Variants in DHX32 observed in about 807,000 individuals in gnomAD.
The protein encoded by DHX32 is putative pre-mRNA-splicing factor ATP-dependent RNA helicase DHX32.
A neutral mutation model predicts 70.0 loss-of-function variants in DHX32; 51 were observed. The ratio of observed to expected loss-of-function variants is 0.73; its 90% CI spans 0.58 to 0.92. DHX32 has a LOEUF of 0.92. DHX32 is among the 40% of genes least tolerant of loss of function. The probability of loss-of-function intolerance (pLI) is 0.00; values close to 1 mark genes in which losing one functional copy is unlikely to be tolerated. For synonymous variants in DHX32, 310 were observed against 315.3 expected (o/e 0.98, Z 0.18); for missense variants, 762 against 891.8 (o/e 0.85, Z 1.85).
chr10:125,856,005 A>C (rs561341637), intron 3 of DHX32, among the ~76,000 whole-genome samples: 1 of 152,382 alleles, frequency 6.6e-6, no homozygotes, highest in African/African-American at 2.4e-5. Context: ...GCAGAGCAAA[A>C]CAGAAATAGA....
At position 125,852,207 on chromosome 10, in the gene DHX32, C is replaced by T. The variant is rs527402756; in HGVS notation, c.1351+86G>A. 7 of 1,504,904 alleles carry T rather than the reference C, an allele frequency of 4.7e-6. No homozygotes were observed. In the Admixed American group the frequency reaches 5.9e-5, roughly 13 times the overall value. 93.2% of individuals were successfully genotyped at this position (1,504,904 alleles called of 1,614,324 possible). A position where few individuals can be genotyped will look rare whatever the true frequency, so the allele number is the denominator to read the frequency against. ...CCCTCCATGCTTGTGTGCATTGCTG[C>T]GCATCATGTGAACTCAGGACAGAGA... On this transcript the variant is annotated intron_variant, in intron 6 of 10. Transcript: ENST00000284690.
Position 125,854,181 on chromosome 10 carries a change from G to A in DHX32, c.872C>T (p.Thr291Ile). 2 of 1,606,444 alleles carry A rather than the reference G, an allele frequency of 1.2e-6. No individual in the cohort carries two copies. Among genetic ancestry groups the A allele is most frequent in the Non-Finnish European group, 1.7e-6 (2 of 1,177,612 alleles). Residue 291 changes from threonine (T) to isoleucine (I), a missense_variant, in exon 4 of 11, where the codon ACT (threonine) becomes ATT (isoleucine). Coordinates refer to ENST00000284690, the MANE Select transcript of DHX32 (RefSeq NM_018180.3). ...GTTTAGGTTAGATCCTTGATAGACA[G>A]TTTCACAGACTTTCTCAATATCCTA... ...CEQDIEKVCE[T>I]VYQGSNLNPD... is the part of the protein sequence containing the mutation.
At position 125,836,733 on chromosome 10, in the gene DHX32, A is replaced by C. The variant is rs748920499; in HGVS notation, c.2186T>G (p.Met729Arg). ...TTCAGTTTCAGGGCACGTCTCACAC[A>C]TTTGCTGTTCCTTATTCATTGTTGA... ...PVSTMNKEQQ[M>R]CETCPETEQR... The change falls in exon 11 of 11, where the codon ATG becomes AGG. Residue 729 changes from methionine (M) to arginine (R), a missense_variant. Around this residue, in one of 3 missense-constraint regions of DHX32, gnomAD observed 366 missense variants for 402.6 expected, o/e 0.91. Coordinates refer to ENST00000284690, the MANE Select transcript of DHX32 (RefSeq NM_018180.3). The C allele has an allele frequency of 1.2e-6, 2 of 1,614,118 alleles. No homozygotes were observed. The highest frequency in any genetic ancestry group is 3.3e-5 in the Admixed American group (2 of 60,022).
chr10:125,880,868 GT>G lies in DHX32; in HGVS notation c.-45del. On this transcript the variant is annotated 5_prime_UTR_variant, in exon 1 of 11. Coordinates refer to ENST00000284690, the MANE Select transcript of DHX32 (RefSeq NM_018180.3). ...CACGCAGCTGACATTCCACAAGCAA[GT>G]TTCTCCTATCAGTAACCCATTGCAA... The G allele has an allele frequency of 2.5e-6, 4 of 1,581,164 alleles. No homozygotes were observed. The highest frequency in any genetic ancestry group is 2.6e-6 in the Non-Finnish European group (3 of 1,166,270).
chr10:125,849,413 T>C (rs1016021051), intron 6 of DHX32, among the ~76,000 whole-genome samples: 1 of 152,240 alleles, frequency 6.6e-6, no homozygotes, highest in African/African-American at 2.4e-5. Context: ...ATTTACTTTA[T>C]TGTTTCCAAG....
chr10:125,873,521 G>A (rs1354740504), intron 1 of DHX32, among the ~76,000 whole-genome samples: 1 of 151,976 alleles, frequency 6.6e-6, no homozygotes, highest in African/African-American at 2.4e-5. Context: ...TTTAATTTCA[G>A]TACCAGAAAA....
chr10:125,844,602 A>G (rs903010953), intron 6 of DHX32, among the ~76,000 whole-genome samples: 1 of 152,250 alleles, frequency 6.6e-6, no homozygotes, highest in African/African-American at 2.4e-5. Flanking sequence ...AGGATTTGCT[A>G]ATATTATATT....
At position 125,860,025 on chromosome 10, in the gene DHX32, A is replaced by G. The variant is rs77519217; in HGVS notation, c.477-50T>C. On this transcript the variant is annotated intron_variant, in intron 2 of 10. Transcript: ENST00000284690. Reference sequence around the variant, plus strand: ...AGAATATTCTTATGCTAACTCATGCAAAAAACTTCCTAACAAGAAAAATGC... The same window carrying G: ...AGAATATTCTTATGCTAACTCATGCGAAAAACTTCCTAACAAGAAAAATGC... 5,549 of 1,435,460 alleles carry G rather than the reference A, an allele frequency of 3.9e-3. 162 individuals are homozygous for G. The African/African-American group carries it at 0.064, about 17-fold the overall frequency. 88.9% of individuals were successfully genotyped at this position (1,435,460 alleles called of 1,614,324 possible).
At chr10:125,883,112 T>C (rs1187355349), upstream of DHX32, among the ~76,000 whole-genome samples, 1 of 152,216 alleles carries the variant, frequency 6.6e-6, no homozygotes, top group East Asian at 1.9e-4. Flanking sequence ...TTCTTACTTA[T>C]AAAGCACTGA....
Position 125,839,131 on chromosome 10 carries a change from G to C in DHX32, c.1751C>G (p.Ala584Gly). 4 of 1,614,210 alleles carry C rather than the reference G, an allele frequency of 2.5e-6. No homozygotes were observed. Among genetic ancestry groups the C allele is most frequent in the Non-Finnish European group, 8.5e-7 (1 of 1,180,034 alleles). Residue 584 changes from alanine (A) to glycine (G), a missense_variant, in exon 9 of 11, where the codon GCA (alanine) becomes GGA (glycine). Transcript: ENST00000284690. ...TAAGAGTTCAGCTCGAATAACATCT[G>C]CCATTCTGAGTGCTGAACAGTTGAG... ...YFLNCSALRMADVIRAELLEI... is the reference protein window; with the variant it reads ...YFLNCSALRMGDVIRAELLEI...
intron 4 of DHX32, 181 bp downstream of exon 4, chr10:125,853,780 A>G: frequency 1.5e-6 from 1 of 648,100 alleles, no homozygotes; most frequent in South Asian, 2.5e-5. Context: ...CCAACATGCT[A>G]ATGGAATCAA....
At chr10:125,862,597 A>C (rs1944197111) in intron 2 of DHX32, among the ~76,000 whole-genome samples, 1 of 152,146 alleles carries the variant, frequency 6.6e-6, no homozygotes, top group African/African-American at 2.4e-5. Flanking sequence ...GGCTTAATTA[A>C]AAAAAAGAGA....
chr10:125,879,143 C>A (rs186559885), intron 1 of DHX32, among the ~76,000 whole-genome samples: 63 of 149,974 alleles, frequency 4.2e-4, no homozygotes, highest in Non-Finnish European at 7.4e-4. Flanking sequence ...TCTGCCTCAG[C>A]CTCTTGGGTA....
chr10:125,878,438 A>G (rs145790222), intron 1 of DHX32, among the ~76,000 whole-genome samples: 20 of 152,306 alleles, frequency 1.3e-4, no homozygotes, highest in Admixed American at 2.6e-4. Flanking sequence ...TGTTCCCCAC[A>G]ACCTTTTTTA....
Position 125,841,839 on chromosome 10 carries a change from C to CTA in DHX32, c.1446_1447insTA (p.Glu483Ter). 6.2e-7 allele frequency: 1 copy of CTA among 1,613,816 alleles called. No homozygotes were observed. On this transcript the variant is annotated frameshift_variant, in exon 7 of 11. Transcript: ENST00000284690. LOFTEE classifies it high-confidence loss of function. ...GAGAGTTGTGGATCAAGAGGAAACT[C>CTA]TGACATGATGATTCCAAATTCAGAA...
At chr10:125,838,926 GC>G (rs1156397418) in intron 9 of DHX32, 74 bp downstream of exon 9, 21 of 1,427,630 alleles carry the variant, frequency 1.5e-5, no homozygotes, top group Non-Finnish European at 2.0e-5. Context: ...ATCATCCTAA[GC>G]CATTGTTGGC....
rs1336641348 is a variant in DHX32, at chr10:125,866,614, T to G, written c.476+376A>C. 6.6e-6 allele frequency among the ~76,000 whole-genome samples: 1 copy of G among 152,082 alleles called. No individual in the cohort carries two copies. The highest frequency in any genetic ancestry group is 1.5e-5 in the Non-Finnish European group (1 of 68,014). ...CATGCTGAGCACAGGGAGGGGCAGG[T>G]GTACAGGCACAGGGTGTGGAAAGCA... On this transcript the variant is annotated intron_variant, in intron 2 of 10. Coordinates refer to ENST00000284690, the MANE Select transcript of DHX32 (RefSeq NM_018180.3). The surrounding 1 kb of genome is among the most constrained non-coding windows in gnomAD (Gnocchi z 4.8).
chr10:125,847,155 A>G (rs1219741878), intron 6 of DHX32, among the ~76,000 whole-genome samples: 1 of 145,628 alleles, frequency 6.9e-6, no homozygotes, highest in Non-Finnish European at 1.5e-5. Flanking sequence ...CACCCATTGT[A>G]TGGTCATTTT....
At chr10:125,848,221 C>T (rs1944049081) in intron 6 of DHX32, among the ~76,000 whole-genome samples, 1 of 152,104 alleles carries the variant, frequency 6.6e-6, no homozygotes, top group Non-Finnish European at 1.5e-5. Context: ...TCTAGGGCCT[C>T]TGGGGAATAG....
Sources: gnomAD v4.1 joint callset for allele counts (sites outside exome capture counted in the v4.1 genomes callset) on GRCh38, gnomAD v4.1.1 for gene constraint, gnomAD v4.1.1 regional missense constraint, Gnocchi (gnomAD v3.1) non-coding constraint, MANE v1.5 for transcripts, NCBI Gene and HGNC (gene_info 2026-07-23, HGNC 2026-07-21) for gene names.